Variants in CD74 observed in about 807,000 individuals in gnomAD.
CD74 encodes CD74 molecule.
CD74 carries 20 observed loss-of-function variants against 37.1 expected under a neutral mutation model. That is an observed-to-expected ratio of 0.54 (90% confidence interval 0.38 to 0.78). CD74 has a LOEUF of 0.78. Ranked by LOEUF, CD74 falls within the 30% of genes least tolerant of loss-of-function variation. The pLI, the probability that CD74 is intolerant of heterozygous loss-of-function variation, is 0.00. For synonymous variants in CD74, 150 were observed against 152.0 expected, an observed-to-expected ratio of 0.99 and a Z score of 0.10; for missense variants, 338 against 389.5, an observed-to-expected ratio of 0.87 and a Z score of 1.11.
chr5:150,405,163 CT>C lies in CD74; in HGVS notation c.458del (p.Lys153ArgfsTer6). 1 of 1,605,996 alleles carries C rather than the reference CT, an allele frequency of 6.2e-7. No homozygotes were observed. The highest frequency in any genetic ancestry group is 8.5e-7 in the Non-Finnish European group (1 of 1,176,562). The part of the protein sequence containing the change: ...MHLLQNADPL[K>X]VYPPLKGSFP... ...AGCTCCCCTTCAGTGGCGGGTACAC[CT>C]TCAGGGGGTCAGCATTCTACAGGGT... On this transcript the variant is annotated frameshift_variant, in exon 5 of 9. Coordinates refer to ENST00000009530, the MANE Select transcript of CD74 (RefSeq NM_001025159.3). LOFTEE classifies it high-confidence loss of function.
rs1769658782 is a variant in CD74 at position 150,402,157 on chromosome 5, G to C, written c.*83C>G. 6.4e-7 allele frequency: 1 copy of C among 1,558,408 alleles called. No homozygotes were observed. Among genetic ancestry groups the C allele is most frequent in the Non-Finnish European group, 8.7e-7 (1 of 1,150,572 alleles). ...GGGATGAGGTACAGGGTGGGAGATG[G>C]GGGAGGGGCTGGGGGCTGAAGGGAG... On this transcript the variant is annotated 3_prime_UTR_variant, in exon 9 of 9. Transcript: ENST00000009530. The surrounding 1 kb of genome is among the most constrained non-coding windows in gnomAD (Gnocchi z 4.2).
chr5:150,405,295 A>G (rs1769891348), intron 4 of CD74, 115 bp from the exon 5 acceptor site: 2 of 1,444,108 alleles, frequency 1.4e-6, no homozygotes, highest in Admixed American at 5.8e-5. Flanking sequence ...CCAGAGCTAC[A>G]CCAAGCCTAA....
Position 150,405,193 on chromosome 5 carries a change from A to AG in CD74, c.442-14dup. 6.4e-7 allele frequency: 1 copy of AG among 1,570,356 alleles called. No homozygotes were observed. Among genetic ancestry groups the AG allele is most frequent in the South Asian group, 1.2e-5 (1 of 85,122 alleles). On this transcript the variant is annotated splice_polypyrimidine_tract_variant and intron_variant, in intron 4 of 8. Transcript: ENST00000009530. The stretch of plus-strand genomic sequence containing the variant: ...GGGGGTCAGCATTCTACAGGGTAGC[A>AG]GGGCAGGAAGGATGGTTCAAGAAGA...
rs573912010 is a variant in CD74, at chr5:150,402,548, C to T, written c.880+15G>A. 6.2e-6 allele frequency: 10 copies of T among 1,612,732 alleles called. 1 individual carries two copies. Among genetic ancestry groups the T allele is most frequent in the Middle Eastern group, 3.3e-4 (2 of 6,056 alleles). ...GAGCTGCTGGTGACCAGATGCCCCT[C>T]TGCAAGGCCCTTACCTGGGCCCAGA... On this transcript the variant is annotated intron_variant, in intron 8 of 8. Transcript: ENST00000009530. The surrounding 1 kb of genome is among the most constrained non-coding windows in gnomAD (Gnocchi z 4.2).
At chr5:150,412,558 T>C (rs540334325) in intron 1 of CD74, 67 bp downstream of exon 1, 1 of 1,234,326 alleles carries the variant, frequency 8.1e-7, no homozygotes, top group African/African-American at 1.5e-5. Flanking sequence ...CCGGTGCTTC[T>C]TCCCAGCACA....
rs898930360 is a variant in CD74, at chr5:150,402,803, G to A, written c.818-178C>T. 3.3e-5 allele frequency among the ~76,000 whole-genome samples: 5 copies of A among 152,226 alleles called. No individual in the cohort carries two copies. The highest frequency in any genetic ancestry group is 7.3e-5 in the Non-Finnish European group (5 of 68,046). On this transcript the variant is annotated intron_variant, in intron 7 of 8. Transcript: ENST00000009530. The surrounding 1 kb of genome is among the most constrained non-coding windows in gnomAD (Gnocchi z 4.2). Reference sequence around the variant, plus strand: ...TAATGGGGGCTCGAGTGAGAAGGGGGTGATGAAATGAGATGGGTGGGTCTG... The same window carrying A: ...TAATGGGGGCTCGAGTGAGAAGGGGATGATGAAATGAGATGGGTGGGTCTG...
chr5:150,407,220 C>T lies in CD74; in HGVS notation c.230G>A (p.Arg77Gln), dbSNP rs147685850. Reference sequence around the variant, plus strand: ...GGAGGTGACTGTCAGTTTGTCCAGCCGGCCCTGCTGCTGGTACAGGAAGTA... The same window carrying T: ...GGAGGTGACTGTCAGTTTGTCCAGCTGGCCCTGCTGCTGGTACAGGAAGTA... ...TAYFLYQQQG[R>Q]LDKLTVTSQN... Residue 77 changes from arginine to glutamine, a missense_variant, in exon 2 of 9, where the codon CGG (arginine) becomes CAG (glutamine). Transcript: ENST00000009530. This position sits in a 1 kb window ranked among gnomAD's most constrained non-coding sequence, Gnocchi z 4.4. The T allele has an allele frequency of 4.8e-5, 77 of 1,613,842 alleles. No homozygotes were observed. In the Admixed American group the frequency reaches 6.3e-4, roughly 13 times the overall value.
At position 150,405,076 on chromosome 5, in the gene CD74, C is replaced by G; in HGVS notation, c.537+9G>C. 1.9e-6 allele frequency: 3 copies of G among 1,611,018 alleles called. No individual in the cohort carries two copies. Among genetic ancestry groups the G allele is most frequent in the Non-Finnish European group, 2.5e-6 (3 of 1,178,110 alleles). ...AAGAGAGAGTTCCCATGCAGGGAAA[C>G]CTGCTGACCTTCCAGTCTATGGTCT... On this transcript the variant is annotated intron_variant, in intron 5 of 8. Coordinates refer to ENST00000009530, the MANE Select transcript of CD74 (RefSeq NM_001025159.3).
chr5:150,406,428 C>T (rs570637465), intron 3 of CD74, 107 bp from the exon 4 acceptor site: 1 of 852,120 alleles, frequency 1.2e-6, no homozygotes, highest in Non-Finnish European at 2.0e-6. Flanking sequence ...ATCGCAGGCA[C>T]TTGGTCAATG....
At chr5:150,406,500 A>T (rs947361565) in intron 3 of CD74, among the ~76,000 whole-genome samples, 179 bp from the exon 4 acceptor site, 13 of 152,304 alleles carry the variant, frequency 8.5e-5, no homozygotes, top group African/African-American at 2.6e-4. Context: ...TTCCTGCCTC[A>T]ATGTCCTCAT....
At position 150,402,516 on chromosome 5, in the gene CD74, T is replaced by C. The variant is rs1303984878; in HGVS notation, c.880+47A>G. On this transcript the variant is annotated intron_variant, in intron 8 of 8. Transcript: ENST00000009530. The surrounding 1 kb of genome is among the most constrained non-coding windows in gnomAD (Gnocchi z 4.2). ...CTGCCCACAAAGGAGCTGGCCCTGC[T>C]GGGGATGAGCTGCTGGTGACCAGAT... is the stretch of plus-strand genomic sequence containing the variant. The C allele has an allele frequency of 2.0e-6, 3 of 1,528,706 alleles. No individual in the cohort carries two copies. The highest frequency in any genetic ancestry group is 2.7e-6 in the Non-Finnish European group (3 of 1,102,022). 94.7% of individuals were successfully genotyped at this position (1,528,706 alleles called of 1,614,324 possible).
rs1769958777 is a variant in CD74 at position 150,406,298 on chromosome 5, A to G, written c.402T>C (p.Tyr134=). 2 of 1,613,886 alleles carry G rather than the reference A, an allele frequency of 1.2e-6. No individual in the cohort carries two copies. Among genetic ancestry groups the G allele is most frequent in the Non-Finnish European group, 8.5e-7 (1 of 1,179,876 alleles). ...PQGPMQNATK[Y]GNMTEDHVMH... is the part of the protein sequence containing the mutation. The stretch of plus-strand genomic sequence containing the variant: ...TCACATGGTCCTCTGTCATGTTGCC[A>G]TACTTGGTGGCATTCTGCATGGGCT... Residue 134 remains tyrosine, a synonymous_variant, in exon 4 of 9, where the codon TAT becomes TAC. Coordinates refer to ENST00000009530, the MANE Select transcript of CD74 (RefSeq NM_001025159.3).
Position 150,402,709 on chromosome 5 carries a change from G to C in CD74, c.818-84C>G. The C allele has an allele frequency of 5.0e-6, 6 of 1,190,248 alleles. No homozygotes were observed. Among genetic ancestry groups the C allele is most frequent in the Non-Finnish European group, 7.3e-6 (6 of 827,054 alleles). The allele number at this position is 1,190,248 out of a possible 1,614,324, so 73.7% of individuals were successfully genotyped here. On this transcript the variant is annotated intron_variant, in intron 7 of 8. Coordinates refer to ENST00000009530, the MANE Select transcript of CD74 (RefSeq NM_001025159.3). This position sits in a 1 kb window ranked among gnomAD's most constrained non-coding sequence, Gnocchi z 4.2. ...GCCTGAGGGCAGTGCTTCCCACCTA[G>C]CCACAGGCTTAGTGCCTGGGAAAGC...
At chr5:150,404,528 A>G (rs2151176057) in intron 6 of CD74, 152 bp downstream of exon 6, 1 of 599,582 alleles carries the variant, frequency 1.7e-6, no homozygotes. Context: ...CAGACAGGAG[A>G]GAGAGAGAAG....
intron 4 of CD74, 59 bp downstream of exon 4, chr5:150,406,200 G>C: frequency 7.6e-7 from 1 of 1,316,584 alleles, no homozygotes; most frequent in South Asian, 1.2e-5. Context: ...CTTGGAGCTT[G>C]GCCCGGCCAG....
Position 150,402,601 on chromosome 5 carries a change from G to T in CD74, c.842C>A (p.Ser281Tyr), listed in dbSNP as rs1479131130. The change falls in exon 8 of 9, where the codon TCT becomes TAT. Residue 281 changes from serine (S) to tyrosine (Y), a missense_variant. Physicochemically the swap from Ser to Tyr is moderately radical, Grantham distance 144. Coordinates refer to ENST00000009530, the MANE Select transcript of CD74 (RefSeq NM_001025159.3). The surrounding 1 kb of genome is among the most constrained non-coding windows in gnomAD (Gnocchi z 4.2). ...CTGCTTGGTCACACCCAGCCCAGAA[G>T]ACGGGTCCTCCAGTTCCAGTGACTC... ...CSESLELEDPSSGLGVTKQDL... is the reference protein window; with the variant it reads ...CSESLELEDPYSGLGVTKQDL... 1.2e-6 allele frequency: 2 copies of T among 1,613,016 alleles called. No homozygotes were observed. Among genetic ancestry groups the T allele is most frequent in the South Asian group, 1.1e-5 (1 of 90,964 alleles).
At position 150,406,904 on chromosome 5, in the gene CD74, G is replaced by A. The variant is rs746818222; in HGVS notation, c.355C>T (p.Pro119Ser). ...MATPLLMQAL[P>S]MGALPQGPMQ... ...ACCCCCTGGGGCAGGGCTCCCATGG[G>A]CAGCGCCTGCATCAGCAGCGGGGTG... Residue 119 changes from proline (P) to serine (S), a missense_variant, in exon 3 of 9, where the codon CCC becomes TCC. By Grantham distance (74) the Pro-to-Ser change is moderately conservative (BLOSUM62 -1). Coordinates refer to ENST00000009530, the MANE Select transcript of CD74 (RefSeq NM_001025159.3). 3 of 1,524,298 alleles carry A rather than the reference G, an allele frequency of 2.0e-6. No homozygotes were observed. Among genetic ancestry groups the A allele is most frequent in the Non-Finnish European group, 2.6e-6 (3 of 1,141,366 alleles). 94.4% of individuals were successfully genotyped at this position (1,524,298 alleles called of 1,614,324 possible). A position where few individuals can be genotyped will look rare whatever the true frequency, so the allele number is the denominator to read the frequency against.
Position 150,405,186 on chromosome 5 carries a change from G to A in CD74, c.442-6C>T. ...ACCTTCAGGGGGTCAGCATTCTACA[G>A]GGTAGCAGGGCAGGAAGGATGGTTC... On this transcript the variant is annotated splice_region_variant and splice_polypyrimidine_tract_variant and intron_variant, in intron 4 of 8. Coordinates refer to ENST00000009530, the MANE Select transcript of CD74 (RefSeq NM_001025159.3). 6.3e-7 allele frequency: 1 copy of A among 1,584,418 alleles called. No individual in the cohort carries two copies. The highest frequency in any genetic ancestry group is 2.3e-5 in the East Asian group (1 of 44,332).
rs1005727132 is a variant in CD74 at position 150,402,789 on chromosome 5, C to T, written c.818-164G>A. ...GCAACAAAGAGGTGTAATGGGGGCT[C>T]GAGTGAGAAGGGGGTGATGAAATGA... On this transcript the variant is annotated intron_variant, in intron 7 of 8. Coordinates refer to ENST00000009530, the MANE Select transcript of CD74 (RefSeq NM_001025159.3). This position sits in a 1 kb window ranked among gnomAD's most constrained non-coding sequence, Gnocchi z 4.2. 2.6e-5 allele frequency among the ~76,000 whole-genome samples: 4 copies of T among 151,876 alleles called. No homozygotes were observed. Among genetic ancestry groups the T allele is most frequent in the East Asian group, 1.9e-4 (1 of 5,188 alleles).
Sources: allele counts gnomAD v4.1 joint callset (sites outside exome capture counted in the v4.1 genomes callset), GRCh38; gene constraint gnomAD v4.1.1; non-coding constraint Gnocchi (gnomAD v3.1); transcripts MANE v1.5; gene names NCBI Gene and HGNC (gene_info 2026-07-23, HGNC 2026-07-21).